ABLIM3: variants seen among roughly 807,000 people sequenced by gnomAD.
ABLIM3 encodes actin-binding LIM protein 3.
A neutral mutation model predicts 109.5 loss-of-function variants in ABLIM3; 61 were observed. That is an observed-to-expected ratio of 0.56 (90% CI 0.45 to 0.69). ABLIM3 has a LOEUF of 0.69. ABLIM3 is among the 30% of genes least tolerant of loss of function. The probability of loss-of-function intolerance (pLI) is 0.00; values close to 1 mark genes in which losing one functional copy is unlikely to be tolerated. For synonymous variants in ABLIM3, 300 were observed against 324.8 expected (o/e 0.92, Z 0.82); for missense variants, 796 against 889.5 (o/e 0.89, Z 1.34).
chr5:149,180,781 G>T (rs1756389641), intron 2 of ABLIM3, among the ~76,000 whole-genome samples: 2 of 152,266 alleles, frequency 1.3e-5, no homozygotes, highest in East Asian at 3.9e-4. Flanking sequence ...ATGCAGCAGG[G>T]TTAGGGCTGG....
chr5:149,257,126 G>A (rs1378902632), intron 23 of ABLIM3, among the ~76,000 whole-genome samples: 1 of 152,204 alleles, frequency 6.6e-6, no homozygotes, highest in Non-Finnish European at 1.5e-5. Flanking sequence ...GGAACATGGT[G>A]AAACCCCATC....
At chr5:149,185,896 T>C (rs746878584) in intron 3 of ABLIM3, among the ~76,000 whole-genome samples, 3 of 152,254 alleles carry the variant, frequency 2.0e-5, no homozygotes, top group African/African-American at 4.8e-5. Flanking sequence ...TTCATCCTGA[T>C]AGTTTATCTT....
intron 6 of ABLIM3, among the ~76,000 whole-genome samples, chr5:149,208,408 G>A (rs147823440): frequency 0.089 from 5,468 of 61,706 alleles, 226 homozygotes; most frequent in African/African-American, 0.23. Context: ...CTCTCTCTCT[G>A]TCTCTCTTTC....
At position 149,250,450 on chromosome 5, in the gene ABLIM3, C is replaced by T. The variant is rs1465929390; in HGVS notation, c.1733C>T (p.Pro578Leu). Reference sequence around the variant, plus strand: ...TGCTCTAGATCCTTCTTTTCAGATCCTCTCATCTCCAAATCTGCCTCCCTG... The same window carrying T: ...TGCTCTAGATCCTTCTTTTCAGATCTTCTCATCTCCAAATCTGCCTCCCTG... ...PRSHYLADSD[P>L]LISKSASLPA... The change falls in exon 20 of 24, where the codon CCT (proline) becomes CTT (leucine). Residue 578 changes from proline to leucine, a missense_variant. Physicochemically the swap from Pro to Leu is moderately conservative, Grantham distance 98. Transcript: ENST00000309868. 2.5e-6 allele frequency: 4 copies of T among 1,614,018 alleles called. No homozygotes were observed. The highest frequency in any genetic ancestry group is 3.4e-6 in the Non-Finnish European group (4 of 1,180,000).
In ABLIM3 at chr5:149,142,004, C is replaced by A. The variant is rs1391977577; in HGVS notation, c.-87-5C>A. 11 of 1,592,778 alleles carry A rather than the reference C, an allele frequency of 6.9e-6. No homozygotes were observed. The highest frequency in any genetic ancestry group is 2.2e-5 in the East Asian group (1 of 44,776). The stretch of plus-strand genomic sequence containing the variant: ...CTGGCACTGGACTGCCTTTTCACCC[C>A]CCAGGTGATGAGTGAGGTTCGAAGA... On this transcript the variant is annotated splice_region_variant and splice_polypyrimidine_tract_variant and intron_variant, in intron 1 of 23. Transcript: ENST00000309868.
intron 2 of ABLIM3, among the ~76,000 whole-genome samples, chr5:149,153,193 A>G (rs1297939659): frequency 6.6e-6 from 1 of 152,190 alleles, no homozygotes; most frequent in Non-Finnish European, 1.5e-5. Context: ...TACTCTCTTA[A>G]GAAAACAAAA....
chr5:149,188,665 T>C (rs1261425223), intron 3 of ABLIM3, among the ~76,000 whole-genome samples: 2 of 152,178 alleles, frequency 1.3e-5, no homozygotes, highest in East Asian at 1.9e-4. Flanking sequence ...GTTTTAAGAG[T>C]ACTAATCTCA....
At chr5:149,168,536 C>T (rs1755043989) in intron 2 of ABLIM3, among the ~76,000 whole-genome samples, 1 of 152,112 alleles carries the variant, frequency 6.6e-6, no homozygotes, top group African/African-American at 2.4e-5. Context: ...TGGGAGATGG[C>T]TTTAATAACA....
At chr5:149,212,687 T>G (rs1435000089) in intron 7 of ABLIM3, among the ~76,000 whole-genome samples, 1 of 152,138 alleles carries the variant, frequency 6.6e-6, no homozygotes, top group African/African-American at 2.4e-5. Context: ...AAGAATTATC[T>G]ATTTCTGAGG....
chr5:149,215,797 G>A lies in ABLIM3; in HGVS notation c.670-1162G>A, dbSNP rs552121867. On this transcript the variant is annotated intron_variant, in intron 7 of 23. Coordinates refer to ENST00000309868, the MANE Select transcript of ABLIM3 (RefSeq NM_014945.5). ...TGCATATACAAATGCTGGAGCCGCC[G>A]CTGAAGTTCCCTTTTACAAGCCCTC... Among the ~76,000 whole-genome samples the A allele has an allele frequency of 2.6e-4, 40 of 152,190 alleles. 1 individual carries two copies. Among genetic ancestry groups the A allele is most frequent in the Admixed American group, 2.2e-3 (34 of 15,296 alleles).
chr5:149,158,205 T>C (rs1478403308), intron 2 of ABLIM3, among the ~76,000 whole-genome samples: 1 of 152,200 alleles, frequency 6.6e-6, no homozygotes, highest in Admixed American at 6.5e-5. Flanking sequence ...TCCTTGAAGA[T>C]AGAAATCACG....
At chr5:149,200,509 C>T in intron 5 of ABLIM3, 81 bp downstream of exon 5, 17 of 1,446,430 alleles carry the variant, frequency 1.2e-5, no homozygotes, top group Non-Finnish European at 1.6e-5. Flanking sequence ...CCAACTGCTC[C>T]CACGGGCCTG....
At chr5:149,189,933 T>C (rs543433894) in intron 3 of ABLIM3, among the ~76,000 whole-genome samples, 68 of 152,358 alleles carry the variant, frequency 4.5e-4, no homozygotes, top group African/African-American at 1.6e-3. Context: ...AGCAGCATTA[T>C]TCGTAATAGC....
intron 23 of ABLIM3, among the ~76,000 whole-genome samples, chr5:149,256,341 T>C (rs1754424386): frequency 6.6e-6 from 1 of 152,226 alleles, no homozygotes; most frequent in Non-Finnish European, 1.5e-5. Context: ...AAGTGCAGTT[T>C]CCCTCTGTCT....
chr5:149,201,318 T>C (rs974624151), intron 5 of ABLIM3, among the ~76,000 whole-genome samples: 2 of 152,138 alleles, frequency 1.3e-5, no homozygotes, highest in Admixed American at 1.3e-4. Flanking sequence ...TATGACACTC[T>C]CACTGGCCTC....
At chr5:149,220,689 G>A (rs1760554627) in intron 8 of ABLIM3, 1 of 152,200 alleles carries the variant, frequency 6.6e-6, no homozygotes, top group Non-Finnish European at 1.5e-5. Context: ...TAGCTCAGGA[G>A]TGTAAAGAAG....
chr5:149,240,024 C>T, intron 13 of ABLIM3, 136 bp downstream of exon 13: 1 of 1,273,152 alleles, frequency 7.9e-7, no homozygotes, highest in Non-Finnish European at 1.0e-6. Context: ...CCTATGGCCA[C>T]CCAGGTGACC....
At chr5:149,170,148 G>A (rs1755246737) in intron 2 of ABLIM3, among the ~76,000 whole-genome samples, 1 of 150,968 alleles carries the variant, frequency 6.6e-6, no homozygotes, top group Non-Finnish European at 1.5e-5. Flanking sequence ...TACTATATTG[G>A]TTTGTATATT....
At chr5:149,148,794 A>T (rs891439542) in intron 2 of ABLIM3, among the ~76,000 whole-genome samples, 4 of 151,906 alleles carry the variant, frequency 2.6e-5, no homozygotes, top group African/African-American at 9.7e-5. Context: ...CATTCCCTCT[A>T]AGGGTTTGCT....
Sources: allele counts gnomAD v4.1 joint callset (sites outside exome capture counted in the v4.1 genomes callset), GRCh38; gene constraint gnomAD v4.1.1; transcripts MANE v1.5; gene names NCBI Gene and HGNC (gene_info 2026-07-23, HGNC 2026-07-21).